Variants in NCAM2 observed in about 807,000 individuals in gnomAD.
NCAM2 encodes the protein neural cell adhesion molecule 2.
NCAM2 carries 30 observed loss-of-function variants against 98.1 expected under a neutral mutation model. The observed-to-expected ratio is 0.31, with a 90% CI of 0.23 to 0.41. The LOEUF (loss-of-function observed/expected upper bound fraction) is 0.41, where lower values mean the gene tolerates loss of function less well. NCAM2 is among the 10% of genes least tolerant of loss of function. The probability of loss-of-function intolerance (pLI) is 1.00; values close to 1 mark genes in which losing one functional copy is unlikely to be tolerated. For missense variants in NCAM2, 867 were observed against 1,005.8 expected, an observed-to-expected ratio of 0.86 and a Z score of 1.87; for synonymous variants, 368 against 342.4, an observed-to-expected ratio of 1.07 and a Z score of -0.83.
intron 8 of NCAM2, among the ~76,000 whole-genome samples, chr21:21,343,350 T>TACAC (rs1254922171): frequency 2.6e-5 from 2 of 78,146 alleles, no homozygotes; most frequent in East Asian, 4.0e-4. Flanking sequence ...AACAACTATC[T>TACAC]ATACACATAC....
chr21:21,532,721 C>A (rs1271106911), intron 16 of NCAM2, among the ~76,000 whole-genome samples: 2 of 152,186 alleles, frequency 1.3e-5, no homozygotes, highest in East Asian at 3.9e-4. Context: ...TATGTCATCA[C>A]AAACACTGGC....
intron 5 of NCAM2, among the ~76,000 whole-genome samples, chr21:21,309,798 C>A (rs912453194): frequency 6.6e-5 from 10 of 152,108 alleles, no homozygotes; most frequent in Non-Finnish European, 1.5e-4. Flanking sequence ...AATCTAGAAA[C>A]TCTCTCTAGA....
At chr21:21,355,852 A>C (rs983255583) in intron 8 of NCAM2, among the ~76,000 whole-genome samples, 2 of 151,910 alleles carry the variant, frequency 1.3e-5, no homozygotes, top group African/African-American at 4.8e-5. Flanking sequence ...CAGGTGATCC[A>C]CCCACCTCGG....
chr21:21,528,925 T>C (rs1240288178), intron 16 of NCAM2, among the ~76,000 whole-genome samples: 8 of 152,064 alleles, frequency 5.3e-5, no homozygotes. Context: ...AGAAAAGAAG[T>C]TATATACTTC....
chr21:21,496,266 C>T (rs1987227452), intron 15 of NCAM2, among the ~76,000 whole-genome samples: 1 of 151,858 alleles, frequency 6.6e-6, no homozygotes. Context: ...TCTCTACGGC[C>T]TCACCGGCAT....
Position 21,163,050 on chromosome 21 carries a change from C to A in NCAM2, c.56-117528C>A, listed in dbSNP as rs542765064. ...TAATGAAGAGTCCAATTAGCATATT[C>A]TTTCATCCCCTTTTCTAAATACTAA... On this transcript the variant is annotated intron_variant, in intron 1 of 17. Transcript: ENST00000400546. Among the ~76,000 whole-genome samples, 8 of 152,240 alleles carry A rather than the reference C, an allele frequency of 5.3e-5. No individual in the cohort carries two copies. The South Asian group carries it at 1.7e-3, about 32-fold the overall frequency.
intron 16 of NCAM2, among the ~76,000 whole-genome samples, chr21:21,524,755 C>T (rs938411306): frequency 2.0e-5 from 3 of 152,116 alleles, no homozygotes; most frequent in Admixed American, 1.3e-4. Context: ...AGATAGATCA[C>T]ACCCTAGGTC....
chr21:21,117,606 C>T (rs1189858011), intron 1 of NCAM2, among the ~76,000 whole-genome samples: 1 of 152,038 alleles, frequency 6.6e-6, no homozygotes, highest in African/African-American at 2.4e-5. Context: ...CATTAATGAA[C>T]CTGGAGAAAA....
intron 1 of NCAM2, among the ~76,000 whole-genome samples, chr21:21,080,321 A>G (rs1404976236): frequency 6.6e-6 from 1 of 152,124 alleles, no homozygotes; most frequent in Non-Finnish European, 1.5e-5. Context: ...CTTTACCCCA[A>G]TTAAAGACTT....
chr21:21,208,646 G>T (rs1243111804), intron 1 of NCAM2, among the ~76,000 whole-genome samples: 1 of 151,996 alleles, frequency 6.6e-6, no homozygotes, highest in Non-Finnish European at 1.5e-5. Flanking sequence ...AACTTGAAAT[G>T]TGGAACTGCC....
chr21:21,263,052 A>G (rs900118146), intron 1 of NCAM2, among the ~76,000 whole-genome samples: 2 of 152,140 alleles, frequency 1.3e-5, no homozygotes, highest in Non-Finnish European at 2.9e-5. Context: ...CAGCCAAACC[A>G]TATTATCAAA....
At chr21:21,365,894 G>C (rs2075773373) in intron 8 of NCAM2, among the ~76,000 whole-genome samples, 2 of 152,058 alleles carry the variant, frequency 1.3e-5, no homozygotes, top group African/African-American at 2.4e-5. Context: ...CCTTTTGGGG[G>C]AGTAGGTACC....
chr21:21,244,910 A>G (rs1016111868), intron 1 of NCAM2, among the ~76,000 whole-genome samples: 2 of 151,488 alleles, frequency 1.3e-5, no homozygotes, highest in African/African-American at 4.9e-5. Flanking sequence ...CGTTAACTTC[A>G]TTTAATATCT....
intron 1 of NCAM2, among the ~76,000 whole-genome samples, chr21:21,034,300 G>A (rs530224006): frequency 6.6e-6 from 1 of 152,188 alleles, no homozygotes; most frequent in South Asian, 2.1e-4. Context: ...TTCTGTAGGA[G>A]CATACAAAAA....
At chr21:21,020,662 T>A (rs1601111927) in intron 1 of NCAM2, among the ~76,000 whole-genome samples, 1 of 152,194 alleles carries the variant, frequency 6.6e-6, no homozygotes, top group African/African-American at 2.4e-5. Flanking sequence ...GCTGGTGGAG[T>A]TCCTCCCATA....
At chr21:21,066,955 G>A (rs1386106137) in intron 1 of NCAM2, among the ~76,000 whole-genome samples, 1 of 151,622 alleles carries the variant, frequency 6.6e-6, no homozygotes, top group Admixed American at 6.6e-5. Context: ...TTCCACTGGG[G>A]GTATTACCTT....
chr21:21,396,851 G>T (rs2076519874), intron 9 of NCAM2, among the ~76,000 whole-genome samples: 2 of 152,180 alleles, frequency 1.3e-5, no homozygotes, highest in Admixed American at 1.3e-4. Flanking sequence ...GGAGCCCCAA[G>T]GTCTAGGCTC....
intron 1 of NCAM2, among the ~76,000 whole-genome samples, chr21:21,182,023 A>G (rs1270024246): frequency 2.0e-5 from 3 of 148,260 alleles, no homozygotes; most frequent in Non-Finnish European, 4.4e-5. Flanking sequence ...TGAGACCACC[A>G]TCTCTAAAAA....
intron 12 of NCAM2, among the ~76,000 whole-genome samples, chr21:21,451,144 A>G (rs1275875757): frequency 6.6e-6 from 1 of 152,050 alleles, no homozygotes; most frequent in Non-Finnish European, 1.5e-5. Flanking sequence ...TCTTGACTGC[A>G]CATTGGAGGG....
Sources: allele counts gnomAD v4.1 joint callset (sites outside exome capture counted in the v4.1 genomes callset), GRCh38; gene constraint gnomAD v4.1.1; transcripts MANE v1.5; gene names NCBI Gene and HGNC (gene_info 2026-07-23, HGNC 2026-07-21).